The following LDHC variants were observed in gnomAD, a reference collection of about 807,000 sequenced individuals.
LDHC encodes lactate dehydrogenase C, also known as L-lactate dehydrogenase C chain.
A neutral mutation model predicts 30.2 loss-of-function variants in LDHC; 20 were observed. The observed-to-expected ratio is 0.66, with a 90% confidence interval of 0.47 to 0.96. The LOEUF (loss-of-function observed/expected upper bound fraction) is 0.96. Ranked by LOEUF, LDHC falls within the 40% of genes least tolerant of loss-of-function variation. The pLI is 0.00. For missense variants in LDHC, 362 were observed against 394.9 expected, an observed-to-expected ratio of 0.92 and a Z score of 0.71; for synonymous variants, 139 against 132.7, an observed-to-expected ratio of 1.05 and a Z score of -0.32.
chr11:18,438,817 A>G (rs1201589541), intron 6 of LDHC, among the ~76,000 whole-genome samples, 172 bp downstream of exon 6: 1 of 152,214 alleles, frequency 6.6e-6, no homozygotes, highest in Non-Finnish European at 1.5e-5. Context: ...GGCATTTTTC[A>G]AAAAGAAAAA....
chr11:18,436,491 T>G (rs1363242242), intron 5 of LDHC, among the ~76,000 whole-genome samples: 1 of 146,744 alleles, frequency 6.8e-6, no homozygotes, highest in African/African-American at 2.5e-5. Flanking sequence ...GTTTTTTTTT[T>G]TTTTTTTTTT....
At chr11:18,417,590 C>T (rs1018270065) in intron 3 of LDHC, among the ~76,000 whole-genome samples, 6 of 151,990 alleles carry the variant, frequency 3.9e-5, no homozygotes, top group Non-Finnish European at 1.5e-5. Context: ...TGTAGAGATG[C>T]GGTGTCACTC....
chr11:18,424,684 A>C (rs988897725), intron 3 of LDHC, among the ~76,000 whole-genome samples: 1 of 152,240 alleles, frequency 6.6e-6, no homozygotes, highest in Non-Finnish European at 1.5e-5. Context: ...TTAAGGGAAT[A>C]CATGCCTTAT....
At chr11:18,422,996 A>AAACAAC (rs113194438) in intron 3 of LDHC, among the ~76,000 whole-genome samples, 21 of 118,166 alleles carry the variant, frequency 1.8e-4, no homozygotes, top group African/African-American at 4.7e-4. Context: ...AAAAAAAAGA[A>AAACAAC]AACAACAAAA....
At chr11:18,441,313 ATTTCT>A (rs1848460863) in intron 6 of LDHC, among the ~76,000 whole-genome samples, 1 of 151,544 alleles carries the variant, frequency 6.6e-6, no homozygotes, top group African/African-American at 2.4e-5. Context: ...TTTAGAAGGT[ATTTCT>A]TTTCTTTTTT....
chr11:18,426,235 G>C lies in LDHC; in HGVS notation c.245-3502G>C, dbSNP rs575215252. On this transcript the variant is annotated intron_variant, in intron 3 of 7. Transcript: ENST00000541669. The stretch of plus-strand genomic sequence containing the variant: ...GTGCATGGAACATAGAGGCTGCTAA[G>C]ATATTTATGGACCAGGTGTGGTGGC... Among the ~76,000 whole-genome samples the C allele has an allele frequency of 3.7e-3, 555 of 151,864 alleles. 8 individuals are homozygous for C. Among genetic ancestry groups the C allele is most frequent in the African/African-American group, 0.013 (537 of 41,452 alleles).
intron 6 of LDHC, among the ~76,000 whole-genome samples, chr11:18,439,193 A>G (rs1248046216): frequency 6.6e-6 from 1 of 152,214 alleles, no homozygotes; most frequent in African/African-American, 2.4e-5. Flanking sequence ...CTCCATATAT[A>G]TTAGCCTTAA....
intron 6 of LDHC, among the ~76,000 whole-genome samples, chr11:18,441,601 G>T (rs933621529): frequency 6.9e-6 from 1 of 144,668 alleles, no homozygotes; most frequent in Admixed American, 6.9e-5. Flanking sequence ...CACCACACCC[G>T]GCCCTTTAGA....
intron 3 of LDHC, among the ~76,000 whole-genome samples, chr11:18,417,311 A>G (rs72868559): frequency 0.017 from 2,616 of 152,356 alleles, 34 homozygotes; most frequent in Non-Finnish European, 0.026. Context: ...AAGCACATCA[A>G]TAATGATCAT....
Position 18,434,722 on chromosome 11 carries a change from C to A in LDHC, c.419-18C>A. On this transcript the variant is annotated intron_variant, in intron 4 of 7. Transcript: ENST00000541669. ...AGTTATGATGAATCTTTTTCTAACA[C>A]AAAATTTTTCTTCTTAGTGGATATT... 1 of 1,517,188 alleles carries A rather than the reference C, an allele frequency of 6.6e-7. No homozygotes were observed. Among genetic ancestry groups the A allele is most frequent in the Non-Finnish European group, 9.0e-7 (1 of 1,109,308 alleles). 94.0% of individuals were successfully genotyped at this position (1,517,188 alleles called of 1,614,324 possible).
chr11:18,438,858 A>G (rs532008350), intron 6 of LDHC, among the ~76,000 whole-genome samples: 7 of 152,314 alleles, frequency 4.6e-5, no homozygotes, highest in Admixed American at 4.6e-4. Context: ...CATATATTTG[A>G]GAGTAATAAA....
At chr11:18,428,506 A>G (rs1848205343) in intron 3 of LDHC, among the ~76,000 whole-genome samples, 1 of 152,018 alleles carries the variant, frequency 6.6e-6, no homozygotes, top group Non-Finnish European at 1.5e-5. Flanking sequence ...GATGAGATAG[A>G]TATAGAGGAT....
At chr11:18,438,250 G>A (rs1315712382) in intron 5 of LDHC, among the ~76,000 whole-genome samples, 1 of 152,036 alleles carries the variant, frequency 6.6e-6, no homozygotes, top group African/African-American at 2.4e-5. Context: ...AGAGAGAGGA[G>A]GTGCCATATA....
chr11:18,438,624 T>C lies in LDHC; in HGVS notation c.689T>C (p.Ile230Thr). The change falls in exon 6 of 8, where the codon ATC becomes ACC. Residue 230 changes from isoleucine (I) to threonine (T), a missense_variant. Ile to Thr is a moderately conservative substitution (Grantham distance 89). Transcript: ENST00000541669. ...TDSDKEHWKNIHKQVIQSAYE... is the reference protein window; with the variant it reads ...TDSDKEHWKNTHKQVIQSAYE... ...TCAGATAAGGAACACTGGAAAAATA[T>C]CCATAAACAAGTTATTCAAAGGTAA... The C allele has an allele frequency of 6.3e-7, 1 of 1,598,668 alleles. No homozygotes were observed. The highest frequency in any genetic ancestry group is 8.6e-7 in the Non-Finnish European group (1 of 1,166,048).
chr11:18,441,340 A>G (rs982554606), intron 6 of LDHC, among the ~76,000 whole-genome samples: 1 of 151,526 alleles, frequency 6.6e-6, no homozygotes, highest in Non-Finnish European at 1.5e-5. Flanking sequence ...TTTATTTGAG[A>G]TGGGGTCTTG....
intron 3 of LDHC, among the ~76,000 whole-genome samples, chr11:18,426,733 G>A (rs904096318): frequency 2.0e-5 from 3 of 151,940 alleles, no homozygotes; most frequent in Non-Finnish European, 4.4e-5. Flanking sequence ...TGAAGAAAGT[G>A]GTATTTATGA....
chr11:18,440,715 G>C (rs149625265), intron 6 of LDHC, among the ~76,000 whole-genome samples: 1 of 152,038 alleles, frequency 6.6e-6, no homozygotes, highest in Non-Finnish European at 1.5e-5. Flanking sequence ...GATTGTTTGA[G>C]GCCAGGAGTT....
rs933242952 is a variant in LDHC at position 18,417,100 on chromosome 11, T to C, written c.244+1799T>C. ...GGTTTCACCACGTTAGCCAGGCTGG[T>C]CTTGAACTCCTGACCTCAGGTGACC... On this transcript the variant is annotated intron_variant, in intron 3 of 7. Transcript: ENST00000541669. Among the ~76,000 whole-genome samples, 14 of 152,168 alleles carry C rather than the reference T, an allele frequency of 9.2e-5. 1 individual carries two copies.
intron 4 of LDHC, among the ~76,000 whole-genome samples, chr11:18,430,713 T>A (rs1019851104): frequency 6.6e-6 from 1 of 152,172 alleles, no homozygotes; most frequent in Non-Finnish European, 1.5e-5. Flanking sequence ...TTGAAACATA[T>A]TGAGGTTATT....
Sources: gnomAD v4.1 joint callset for allele counts (sites outside exome capture counted in the v4.1 genomes callset) on GRCh38, gnomAD v4.1.1 for gene constraint, MANE v1.5 for transcripts, NCBI Gene and HGNC (gene_info 2026-07-23, HGNC 2026-07-21) for gene names.